The following ARHGAP31 variants were observed in gnomAD, a reference collection of about 807,000 sequenced individuals.
ARHGAP31 encodes Rho GTPase activating protein 31.
A neutral mutation model predicts 113.9 loss-of-function variants in ARHGAP31; 34 were observed. That is an observed-to-expected ratio of 0.30 (90% CI 0.23 to 0.40). The LOEUF (loss-of-function observed/expected upper bound fraction) is 0.40, where lower values mean the gene tolerates loss of function less well. Among genes scored for constraint, ARHGAP31 ranks in the 10% least tolerant of loss-of-function variants. The probability of loss-of-function intolerance (pLI) is 1.00; values close to 1 mark genes in which losing one functional copy is unlikely to be tolerated. For missense variants in ARHGAP31, 1,548 were observed against 1,767.1 expected (o/e 0.88, Z 2.22); for synonymous variants, 650 against 684.8 (o/e 0.95, Z 0.79).
In ARHGAP31 at chr3:119,415,554, T is replaced by G. The variant is rs1332669905; in HGVS notation, c.3625T>G (p.Tyr1209Asp). 6.2e-7 allele frequency: 1 copy of G among 1,614,078 alleles called. No individual in the cohort carries two copies. The highest frequency in any genetic ancestry group is 8.5e-7 in the Non-Finnish European group (1 of 1,180,024). ...CCCAGTCATCCCTCCCAAGATTCAG[T>G]ACACCCAGATCCCACAGCCCCTGCC... The part of the protein sequence containing the change: ...AVPVIPPKIQ[Y>D]TQIPQPLPSQ... Residue 1209 changes from tyrosine to aspartate, a missense_variant, in exon 12 of 12, where the codon TAC becomes GAC. Transcript: ENST00000264245.
At chr3:119,357,465 G>T (rs546972864) in intron 1 of ARHGAP31, among the ~76,000 whole-genome samples, 308 of 152,278 alleles carry the variant, frequency 2.0e-3, no homozygotes, top group Non-Finnish European at 3.6e-3. Context: ...AGACTGGCAG[G>T]GGGGAGTGTG....
At chr3:119,387,768 A>G (rs1218880607) in intron 6 of ARHGAP31, among the ~76,000 whole-genome samples, 1 of 152,230 alleles carries the variant, frequency 6.6e-6, no homozygotes, top group Non-Finnish European at 1.5e-5. Flanking sequence ...CCAAAATGAC[A>G]GAAACTCCGT....
chr3:119,367,622 G>C (rs2080260873), intron 2 of ARHGAP31, among the ~76,000 whole-genome samples: 2 of 152,224 alleles, frequency 1.3e-5, no homozygotes, highest in South Asian at 4.2e-4. Context: ...ACTTTGGGAG[G>C]CCGAGGTGGT....
intron 6 of ARHGAP31, 37 bp downstream of exon 6, chr3:119,383,263 T>C: frequency 6.2e-7 from 1 of 1,613,012 alleles, no homozygotes; most frequent in South Asian, 1.1e-5. Context: ...CACCAGCTTA[T>C]CCTTCTTTCT....
At chr3:119,382,068 T>C (rs1017457958) in intron 4 of ARHGAP31, among the ~76,000 whole-genome samples, 2 of 148,298 alleles carry the variant, frequency 1.3e-5, no homozygotes, top group South Asian at 2.1e-4. Flanking sequence ...TGCTCCAGGG[T>C]CCTCTGCTTA....
At position 119,418,381 on chromosome 3, in the gene ARHGAP31, C is replaced by G. The variant is rs912805439; in HGVS notation, c.*2117C>G. The G allele has an allele frequency of 2.6e-5, 4 of 152,174 alleles. No individual in the cohort carries two copies. The highest frequency in any genetic ancestry group is 9.7e-5 in the African/African-American group (4 of 41,446). The allele number at this position is 152,174 out of a possible 1,614,324, so 9.4% of individuals were successfully genotyped here. ...GTTCAAGAGATCTGAAAAGTACATT[C>G]CTGCCTTATCAGAAAATGTGTCAGA... On this transcript the variant is annotated 3_prime_UTR_variant, in exon 12 of 12. Coordinates refer to ENST00000264245, the MANE Select transcript of ARHGAP31 (RefSeq NM_020754.4).
intron 1 of ARHGAP31, among the ~76,000 whole-genome samples, chr3:119,316,923 C>A (rs915679981): frequency 1.3e-5 from 2 of 152,252 alleles, no homozygotes; most frequent in Admixed American, 1.3e-4. Context: ...CCCACCCAGC[C>A]AACCATTTAT....
At chr3:119,381,675 G>A (rs1176540071) in intron 4 of ARHGAP31, among the ~76,000 whole-genome samples, 1 of 152,166 alleles carries the variant, frequency 6.6e-6, no homozygotes, top group Non-Finnish European at 1.5e-5. Context: ...TGGTTGAAAG[G>A]ACGAACAAAT....
intron 1 of ARHGAP31, among the ~76,000 whole-genome samples, chr3:119,311,970 T>G (rs916026000): frequency 6.6e-6 from 1 of 152,206 alleles, no homozygotes; most frequent in Non-Finnish European, 1.5e-5. Flanking sequence ...GTAAAAACAG[T>G]ACAGCAGGAT....
chr3:119,347,983 CA>C (rs1196634766), intron 1 of ARHGAP31, among the ~76,000 whole-genome samples: 2 of 152,222 alleles, frequency 1.3e-5, no homozygotes, highest in Non-Finnish European at 2.9e-5. Flanking sequence ...TCTTTTATAT[CA>C]GGGGTGCCCA....
rs760909492 is a variant in ARHGAP31 at position 119,383,239 on chromosome 3, C to G, written c.682+13C>G. ...CTGGAGAATGATGGTAAGGACTCCT[C>G]CTAGCATACACTCCACCAGCTTATC... On this transcript the variant is annotated intron_variant, in intron 6 of 11. Transcript: ENST00000264245. 2 of 1,613,992 alleles carry G rather than the reference C, an allele frequency of 1.2e-6. No homozygotes were observed. The highest frequency in any genetic ancestry group is 1.7e-6 in the Non-Finnish European group (2 of 1,179,926).
chr3:119,381,336 G>T (rs1316569691), intron 4 of ARHGAP31, among the ~76,000 whole-genome samples: 5 of 152,080 alleles, frequency 3.3e-5, no homozygotes, highest in Non-Finnish European at 5.9e-5. Flanking sequence ...TTTTCAACAG[G>T]GGTTGACTGT....
chr3:119,379,993 G>C (rs1406519788), intron 3 of ARHGAP31, among the ~76,000 whole-genome samples: 1 of 152,178 alleles, frequency 6.6e-6, no homozygotes, highest in Non-Finnish European at 1.5e-5. Context: ...ATCTGCCCAG[G>C]GATGCCTGCA....
At position 119,393,527 on chromosome 3, in the gene ARHGAP31, A is replaced by G; in HGVS notation, c.942A>G (p.Gly314=). The change falls in exon 8 of 12, where the codon GGA becomes GGG. Residue 314 remains glycine (G), a synonymous_variant. Transcript: ENST00000264245. The part of the protein sequence containing the change: ...WKSIFNLGRS[G]SDSKSKLSRN... ...CAATATTTAACCTGGGACGTTCTGG[A>G]TCAGACTCCAAATCAAAACTGAGTA... 6.2e-6 allele frequency: 10 copies of G among 1,614,162 alleles called. No homozygotes were observed. The highest frequency in any genetic ancestry group is 8.5e-6 in the Non-Finnish European group (10 of 1,179,984).
At chr3:119,310,169 A>T (rs192916022) in intron 1 of ARHGAP31, among the ~76,000 whole-genome samples, 2 of 152,304 alleles carry the variant, frequency 1.3e-5, no homozygotes, top group African/African-American at 4.8e-5. Flanking sequence ...AGAGAACAAT[A>T]GATCACATTG....
chr3:119,368,504 T>C lies in ARHGAP31; in HGVS notation c.336T>C (p.Tyr112=), dbSNP rs2080268704. 6.2e-7 allele frequency: 1 copy of C among 1,614,102 alleles called. No homozygotes were observed. Among genetic ancestry groups the C allele is most frequent in the Non-Finnish European group, 8.5e-7 (1 of 1,179,962 alleles). ...ACCCCCTCCTGACTTATGAGCTCTA[T>C]GAGAAATTCACGGTGAGTGTTTGGA... The part of the protein sequence containing the change: ...LPNPLLTYEL[Y]EKFTEAVSHC... The change falls in exon 3 of 12, where the codon TAT becomes TAC. Residue 112 remains tyrosine, a synonymous_variant. Coordinates refer to ENST00000264245, the MANE Select transcript of ARHGAP31 (RefSeq NM_020754.4).
At chr3:119,336,362 C>T (rs1273729474) in intron 1 of ARHGAP31, among the ~76,000 whole-genome samples, 1 of 152,120 alleles carries the variant, frequency 6.6e-6, no homozygotes, top group African/African-American at 2.4e-5. Context: ...AAGCAATTTA[C>T]ATCAGCCAGT....
At chr3:119,301,926 G>A (rs766882742) in intron 1 of ARHGAP31, among the ~76,000 whole-genome samples, 24 of 152,178 alleles carry the variant, frequency 1.6e-4, no homozygotes, top group Non-Finnish European at 3.1e-4. Context: ...CCACCCTGGC[G>A]TCTGCATCTC....
intron 3 of ARHGAP31, among the ~76,000 whole-genome samples, chr3:119,374,984 T>C (rs920211513): frequency 1.3e-5 from 2 of 152,128 alleles, no homozygotes; most frequent in African/African-American, 2.4e-5. Flanking sequence ...GTTTGGTGCT[T>C]GGAGGCCCTG....
Sources: allele counts gnomAD v4.1 joint callset (sites outside exome capture counted in the v4.1 genomes callset), GRCh38; gene constraint gnomAD v4.1.1; transcripts MANE v1.5; gene names NCBI Gene and HGNC (gene_info 2026-07-23, HGNC 2026-07-21).